GLB1: variants seen among roughly 807,000 people sequenced by gnomAD.
GLB1 encodes beta-galactosidase.
GLB1 carries 56 observed loss-of-function variants against 74.0 expected under a neutral mutation model. That is an observed-to-expected ratio of 0.76 (90% CI 0.61 to 0.94). The LOEUF (loss-of-function observed/expected upper bound fraction) is 0.94, where lower values mean the gene tolerates loss of function less well. Among genes scored for constraint, GLB1 ranks in the 40% least tolerant of loss-of-function variants. The pLI, the probability that GLB1 is intolerant of heterozygous loss-of-function variation, is 0.00. For synonymous variants in GLB1, 323 were observed against 323.6 expected (o/e 1.00, Z 0.02); for missense variants, 787 against 845.5 (o/e 0.93, Z 0.86).
intron 1 of GLB1, chr3:33,091,100 A>C: frequency 2.0e-6 from 2 of 985,474 alleles, no homozygotes; most frequent in Non-Finnish European, 2.4e-6. Context: ...GTGAAATCCA[A>C]AGCGAGAACT....
intron 6 of GLB1, among the ~76,000 whole-genome samples, chr3:33,055,768 G>A (rs538485542): frequency 5.6e-5 from 8 of 143,190 alleles, no homozygotes; most frequent in South Asian, 4.5e-4. Context: ...CGCTGGGCCC[G>A]TTTTTTTTTT....
At chr3:33,050,211 G>A (rs1698917771) in intron 9 of GLB1, among the ~76,000 whole-genome samples, 1 of 152,194 alleles carries the variant, frequency 6.6e-6, no homozygotes, top group Non-Finnish European at 1.5e-5. Flanking sequence ...ATGTAAAGTG[G>A]TGTGGCCTTT....
chr3:33,075,062 GT>G (rs1371602318), intron 1 of GLB1, among the ~76,000 whole-genome samples: 1 of 152,152 alleles, frequency 6.6e-6, no homozygotes, highest in Non-Finnish European at 1.5e-5. Context: ...AGTAAATAAG[GT>G]TTTAATTTCT....
intron 15 of GLB1, among the ~76,000 whole-genome samples, chr3:32,998,798 C>G (rs1342466682): frequency 6.6e-6 from 1 of 152,158 alleles, no homozygotes; most frequent in Non-Finnish European, 1.5e-5. Context: ...ACCTGCTGAG[C>G]CCTAATCCTC....
rs61013692 is a variant in GLB1 at position 33,022,564 on chromosome 3, A to ATTTTT, written c.1144-914_1144-910dup. Among the ~76,000 whole-genome samples the ATTTTT allele has an allele frequency of 6.9e-4, 44 of 63,764 alleles. 8 individuals are homozygous for ATTTTT. The highest frequency in any genetic ancestry group is 0.019 in the Middle Eastern group (1 of 54). 41.8% of individuals were successfully genotyped at this position (63,764 alleles called of 152,430 possible). A position where few individuals can be genotyped will look rare whatever the true frequency, so the allele number is the denominator to read the frequency against. On this transcript the variant is annotated intron_variant, in intron 11 of 15. Coordinates refer to ENST00000307363, the MANE Select transcript of GLB1 (RefSeq NM_000404.4). ...TTCCATGACTATAATACTGGTTAGG[A>ATTTTT]TTTTTTTTTTTTTTTTTTTGAGAGA...
rs182206903 is a variant in GLB1 at position 33,067,636 on chromosome 3, G to T, written c.457+594C>A. Among the ~76,000 whole-genome samples, 168 of 152,240 alleles carry T rather than the reference G, an allele frequency of 1.1e-3. 1 individual carries two copies. Among genetic ancestry groups the T allele is most frequent in the African/African-American group, 3.9e-3 (164 of 41,544 alleles). On this transcript the variant is annotated intron_variant, in intron 4 of 15. Coordinates refer to ENST00000307363, the MANE Select transcript of GLB1 (RefSeq NM_000404.4). ...GGCTGTGGAATATGCTAAGTAAATA[G>T]GAAGAGAAAGCACTGAAGTCAGTTG...
downstream of GLB1, among the ~76,000 whole-genome samples, chr3:32,993,932 G>A (rs1043403401): frequency 6.6e-6 from 1 of 152,050 alleles, no homozygotes; most frequent in Admixed American, 6.6e-5. Context: ...GCCTCCCAAA[G>A]TGCTGGGATT....
chr3:33,041,513 T>C (rs553250591), intron 10 of GLB1, among the ~76,000 whole-genome samples: 1 of 151,888 alleles, frequency 6.6e-6, no homozygotes, highest in Admixed American at 6.6e-5. Flanking sequence ...AATACAAAAA[T>C]TAGCCAGGTG....
In GLB1 at chr3:33,093,241, T is replaced by TGCCACC. The variant is rs1444285059; in HGVS notation, c.75+3764_75+3769dup. On this transcript the variant is annotated intron_variant, in intron 1 of 15. Coordinates refer to ENST00000307363, the MANE Select transcript of GLB1 (RefSeq NM_000404.4). The surrounding 1 kb of genome is among the most constrained non-coding windows in gnomAD (Gnocchi z 6.0). ...TCCTCATCCTCACTCCCACTGCCAC[T>TGCCACC]GCCACCACCACCACGTTGGGCCCGT... The TGCCACC allele has an allele frequency of 1.9e-6, 3 of 1,613,946 alleles. No individual in the cohort carries two copies. The highest frequency in any genetic ancestry group is 2.5e-6 in the Non-Finnish European group (3 of 1,179,990).
the GLB1 span, among the ~76,000 whole-genome samples, chr3:32,961,357 A>AAC: frequency 2.0e-5 from 3 of 152,206 alleles, no homozygotes; most frequent in African/African-American, 7.2e-5. Flanking sequence ...GGGTGGTAAG[A>AAC]GATGGAGCAG....
intron 1 of GLB1, chr3:33,077,234 G>A (rs143443859): frequency 9.7e-6 from 15 of 1,552,244 alleles, no homozygotes; most frequent in East Asian, 4.7e-5. Context: ...GGAAGGAATC[G>A]AGACTGAGAA....
chr3:33,087,298 G>A (rs927214527), intron 1 of GLB1, among the ~76,000 whole-genome samples: 5 of 152,046 alleles, frequency 3.3e-5, no homozygotes, highest in South Asian at 4.1e-4. Flanking sequence ...GGCCGGGTAC[G>A]GTGGCTCCCG....
chr3:33,075,794 T>C, intron 1 of GLB1, among the ~76,000 whole-genome samples: 1 of 151,884 alleles, frequency 6.6e-6, no homozygotes, highest in Non-Finnish European at 1.5e-5. Flanking sequence ...AATAGCAAAG[T>C]TCTTTGGGAG....
At chr3:33,022,563 G>GCTTTTTTTTTTT (rs1380045437) in intron 11 of GLB1, among the ~76,000 whole-genome samples, 1 of 15,318 alleles carries the variant, frequency 6.5e-5, no homozygotes, top group African/African-American at 1.0e-4. Flanking sequence ...TACTGGTTAG[G>GCTTTTTTTTTTT]ATTTTTTTTT....
At chr3:32,965,690 T>C in the GLB1 span, among the ~76,000 whole-genome samples, 1 of 152,186 alleles carries the variant, frequency 6.6e-6, no homozygotes, top group Admixed American at 6.5e-5. Flanking sequence ...TCAGGGGATA[T>C]CAGAGACCTT....
chr3:32,991,008 G>A, the GLB1 span, among the ~76,000 whole-genome samples: 1 of 152,160 alleles, frequency 6.6e-6, no homozygotes, highest in Non-Finnish European at 1.5e-5. Context: ...GTATTGCTTA[G>A]TAAAAATTAA....
rs1331981703 is a variant in GLB1 at position 33,021,782 on chromosome 3, C to A, written c.1144-127G>T. 5.7e-6 allele frequency: 6 copies of A among 1,049,628 alleles called. No individual in the cohort carries two copies. In the East Asian group the frequency reaches 1.6e-4, roughly 27 times the overall value. 65.0% of individuals were successfully genotyped at this position (1,049,628 alleles called of 1,614,324 possible). ...AACCCCTAAATAAACCTAAATCATT[C>A]AAATTCCACTCAGTATTGCTTCCCA... On this transcript the variant is annotated intron_variant, in intron 11 of 15. Transcript: ENST00000307363.
chr3:33,039,289 C>CAA (rs35066652), intron 10 of GLB1, among the ~76,000 whole-genome samples: 17 of 93,164 alleles, frequency 1.8e-4, no homozygotes, highest in African/African-American at 6.1e-4. Context: ...GACTCTGTCT[C>CAA]AAAAAAAAAA....
intron 12 of GLB1, 72 bp downstream of exon 12, chr3:33,021,494 C>A: frequency 6.6e-7 from 1 of 1,515,432 alleles, no homozygotes; most frequent in Non-Finnish European, 9.0e-7. Flanking sequence ...TCAGAATGGG[C>A]ACTGCAAGGC....
Sources: allele counts gnomAD v4.1 joint callset (sites outside exome capture counted in the v4.1 genomes callset), GRCh38; gene constraint gnomAD v4.1.1; non-coding constraint Gnocchi (gnomAD v3.1); transcripts MANE v1.5; gene names NCBI Gene and HGNC (gene_info 2026-07-23, HGNC 2026-07-21).